Variants in ACOXL observed in about 807,000 individuals in gnomAD.
ACOXL encodes acyl-CoA oxidase like.
Under a neutral mutation model 71.9 loss-of-function variants are expected in ACOXL, and 70 were observed. The observed-to-expected ratio is 0.97, with a 90% CI of 0.80 to 1.19. The LOEUF (loss-of-function observed/expected upper bound fraction) is 1.19. Among genes scored for constraint, ACOXL ranks in the 50% most tolerant of loss-of-function variants. The pLI is 0.00. For missense variants in ACOXL, 703 were observed against 736.3 expected (o/e 0.95, Z 0.52); for synonymous variants, 253 against 281.6 (o/e 0.90, Z 1.02).
intron 12 of ACOXL, among the ~76,000 whole-genome samples, chr2:110,957,574 A>G (rs917691607): frequency 1.3e-5 from 2 of 152,226 alleles, no homozygotes; most frequent in South Asian, 4.2e-4. Flanking sequence ...GTCGATGACC[A>G]TCTCCTGCCT....
At chr2:110,776,808 T>C (rs1682707342) in intron 2 of ACOXL, among the ~76,000 whole-genome samples, 1 of 151,988 alleles carries the variant, frequency 6.6e-6, no homozygotes, top group African/African-American at 2.4e-5. Context: ...CCTGTCTGAC[T>C]GGGTCTCCGG....
chr2:110,751,075 G>A (rs1458634644), intron 1 of ACOXL, among the ~76,000 whole-genome samples: 1 of 151,882 alleles, frequency 6.6e-6, no homozygotes, highest in Non-Finnish European at 1.5e-5. Context: ...GAGGCAGGCG[G>A]ATCATGAGGT....
At chr2:110,772,023 C>T (rs1392927535) in intron 2 of ACOXL, among the ~76,000 whole-genome samples, 2 of 152,202 alleles carry the variant, frequency 1.3e-5, no homozygotes, top group Non-Finnish European at 2.9e-5. Context: ...CTCAAGTTGA[C>T]TGAGTACATG....
At chr2:111,063,828 A>G (rs1003730753) in intron 16 of ACOXL, among the ~76,000 whole-genome samples, 3 of 152,228 alleles carry the variant, frequency 2.0e-5, no homozygotes, top group African/African-American at 7.2e-5. Flanking sequence ...TAATAAAGGG[A>G]GACAAAAGTA....
intron 2 of ACOXL, among the ~76,000 whole-genome samples, chr2:110,770,877 G>T (rs1681824788): frequency 6.6e-6 from 1 of 152,310 alleles, no homozygotes; most frequent in Non-Finnish European, 1.5e-5. Context: ...ATCCCTTAAT[G>T]AGGCTTGCTA....
intron 12 of ACOXL, among the ~76,000 whole-genome samples, chr2:110,982,510 C>T (rs1031053723): frequency 6.6e-6 from 1 of 152,118 alleles, no homozygotes; most frequent in Non-Finnish European, 1.5e-5. Flanking sequence ...CCGAAGACAT[C>T]TTGCCTTGAT....
At position 110,933,124 on chromosome 2, in the gene ACOXL, T is replaced by C. The variant is rs541838509; in HGVS notation, c.906-365T>C. Among the ~76,000 whole-genome samples the C allele has an allele frequency of 4.3e-4, 66 of 152,360 alleles. 2 individuals are homozygous for C. In the South Asian group the frequency reaches 9.3e-3, roughly 22 times the overall value. Reference sequence around the variant, plus strand: ...TTGAATCTTGATTTTTTAAAAGTCATGTCTGACAATCTCCAAATTAAATAG... The same window carrying C: ...TTGAATCTTGATTTTTTAAAAGTCACGTCTGACAATCTCCAAATTAAATAG... On this transcript the variant is annotated intron_variant, in intron 11 of 17. Coordinates refer to ENST00000439055, the MANE Select transcript of ACOXL (RefSeq NM_001142807.4).
intron 10 of ACOXL, among the ~76,000 whole-genome samples, chr2:110,892,292 A>G (rs1698008320): frequency 6.6e-6 from 1 of 152,172 alleles, no homozygotes; most frequent in Non-Finnish European, 1.5e-5. Flanking sequence ...TGGCAAAGGA[A>G]GAACGCCCTG....
intron 2 of ACOXL, among the ~76,000 whole-genome samples, chr2:110,768,887 T>C (rs1251196465): frequency 6.6e-6 from 1 of 151,976 alleles, no homozygotes; most frequent in Non-Finnish European, 1.5e-5. Flanking sequence ...GATCTCATGC[T>C]GAGGGCAGCT....
At chr2:110,958,865 T>C (rs2061598985) in intron 12 of ACOXL, among the ~76,000 whole-genome samples, 1 of 152,212 alleles carries the variant, frequency 6.6e-6, no homozygotes, top group African/African-American at 2.4e-5. Flanking sequence ...AGGGCTGCAC[T>C]GGAGAGGAGA....
chr2:110,899,545 C>T (rs544146950), intron 10 of ACOXL, among the ~76,000 whole-genome samples: 2 of 152,222 alleles, frequency 1.3e-5, no homozygotes, highest in East Asian at 3.9e-4. Flanking sequence ...ACTTTTATGG[C>T]CAAGGTGCTG....
At chr2:111,085,073 C>G (rs1342496431) in intron 16 of ACOXL, among the ~76,000 whole-genome samples, 1 of 152,144 alleles carries the variant, frequency 6.6e-6, no homozygotes, top group East Asian at 1.9e-4. Context: ...CACCCAGATT[C>G]ATAAAGCAGG....
intron 2 of ACOXL, among the ~76,000 whole-genome samples, chr2:110,769,053 G>A (rs946177685): frequency 6.6e-6 from 1 of 151,700 alleles, no homozygotes; most frequent in African/African-American, 2.4e-5. Context: ...TAAAATATTT[G>A]TACACAAAAC....
intron 12 of ACOXL, among the ~76,000 whole-genome samples, chr2:110,951,739 G>A (rs547721649): frequency 6.6e-6 from 1 of 152,164 alleles, no homozygotes; most frequent in Non-Finnish European, 1.5e-5. Context: ...TGAGATGATT[G>A]CACATTTTCT....
intron 17 of ACOXL, among the ~76,000 whole-genome samples, chr2:111,108,817 T>A (rs529462186): frequency 6.6e-6 from 1 of 152,364 alleles, no homozygotes; most frequent in African/African-American, 2.4e-5. Flanking sequence ...TTCCTCACCC[T>A]GACCCCTGAG....
At chr2:111,009,546 G>A (rs879678957) in intron 14 of ACOXL, among the ~76,000 whole-genome samples, 24 of 151,608 alleles carry the variant, frequency 1.6e-4, no homozygotes, top group Non-Finnish European at 2.4e-4. Flanking sequence ...AAAGAAAATG[G>A]AGCTTGAGAC....
intron 8 of ACOXL, among the ~76,000 whole-genome samples, chr2:110,802,854 A>G (rs1448705581): frequency 1.3e-5 from 2 of 152,210 alleles, no homozygotes; most frequent in African/African-American, 4.8e-5. Flanking sequence ...TGTGTTGTAT[A>G]TTTCAAAATA....
chr2:111,029,676 T>C (rs961008494), intron 14 of ACOXL, among the ~76,000 whole-genome samples: 4 of 152,206 alleles, frequency 2.6e-5, no homozygotes, highest in Non-Finnish European at 5.9e-5. Flanking sequence ...GGTGCTCTTC[T>C]TCCTGCCTGG....
At chr2:110,906,054 C>G (rs1371831170) in intron 10 of ACOXL, among the ~76,000 whole-genome samples, 1 of 152,162 alleles carries the variant, frequency 6.6e-6, no homozygotes, top group Non-Finnish European at 1.5e-5. Context: ...TGAGGCACAA[C>G]AGGTCGGGGT....
Sources: gnomAD v4.1 joint callset for allele counts (sites outside exome capture counted in the v4.1 genomes callset) on GRCh38, gnomAD v4.1.1 for gene constraint, MANE v1.5 for transcripts, NCBI Gene and HGNC (gene_info 2026-07-23, HGNC 2026-07-21) for gene names.